The following TTC7B variants were observed in gnomAD, a reference collection of about 807,000 sequenced individuals.
TTC7B encodes the protein tetratricopeptide repeat domain 7B, also known as tetratricopeptide repeat protein 7B.
TTC7B carries 28 observed loss-of-function variants against 106.8 expected under a neutral mutation model. The ratio of observed to expected loss-of-function variants is 0.26; its 90% confidence interval spans 0.19 to 0.36. TTC7B has a LOEUF of 0.36. Among genes scored for constraint, TTC7B ranks in the 10% least tolerant of loss-of-function variants. The pLI, the probability that TTC7B is intolerant of heterozygous loss-of-function variation, is 1.00. For synonymous variants in TTC7B, 405 were observed against 430.6 expected, an observed-to-expected ratio of 0.94 and a Z score of 0.74; for missense variants, 862 against 1,076.4, an observed-to-expected ratio of 0.80 and a Z score of 2.79.
intron 4 of TTC7B, among the ~76,000 whole-genome samples, chr14:90,733,252 T>C (rs1889393886): frequency 6.6e-6 from 1 of 151,922 alleles, no homozygotes; most frequent in African/African-American, 2.4e-5. Context: ...GTCCTCTCTT[T>C]ACCAGAGGGG....
chr14:90,712,660 G>A (rs1256303378), intron 5 of TTC7B, among the ~76,000 whole-genome samples: 5 of 152,012 alleles, frequency 3.3e-5, no homozygotes, highest in Non-Finnish European at 7.4e-5. Flanking sequence ...TAGAATATTT[G>A]CTACTGTGAA....
intron 17 of TTC7B, among the ~76,000 whole-genome samples, chr14:90,596,082 T>C (rs1892190848): frequency 6.6e-6 from 1 of 152,196 alleles, no homozygotes; most frequent in Non-Finnish European, 1.5e-5. Context: ...TTATATGTTA[T>C]GTCTATTGAT....
At chr14:90,750,941 G>A (rs1215715562) in intron 3 of TTC7B, among the ~76,000 whole-genome samples, 2 of 152,154 alleles carry the variant, frequency 1.3e-5, no homozygotes, top group East Asian at 1.9e-4. Flanking sequence ...ATAAATTTTC[G>A]AGTGTCCAGG....
chr14:90,580,116 G>A (rs756421809), intron 18 of TTC7B, among the ~76,000 whole-genome samples: 37 of 152,236 alleles, frequency 2.4e-4, no homozygotes, highest in Non-Finnish European at 4.7e-4. Flanking sequence ...TGCACCCACC[G>A]GAATATGGGC....
chr14:90,736,975 C>A (rs1462730971), intron 4 of TTC7B, among the ~76,000 whole-genome samples: 1 of 149,872 alleles, frequency 6.7e-6, no homozygotes, highest in African/African-American at 2.5e-5. Context: ...GTTATCAAAT[C>A]CTAGGGAAGT....
At chr14:90,718,982 C>T (rs187488996) in intron 5 of TTC7B, among the ~76,000 whole-genome samples, 11 of 152,104 alleles carry the variant, frequency 7.2e-5, no homozygotes, top group South Asian at 2.1e-4. Flanking sequence ...TCAGGTTGGC[C>T]GGGCACAGTG....
At chr14:90,766,923 C>G (rs1890701650) in intron 3 of TTC7B, 6 of 1,533,360 alleles carry the variant, frequency 3.9e-6, no homozygotes. Context: ...GCCTTCATGT[C>G]CAAAGTCAGC....
At position 90,680,330 on chromosome 14, in the gene TTC7B, T is replaced by C. The variant is rs2094919675; in HGVS notation, c.1014+142A>G. The stretch of plus-strand genomic sequence containing the variant: ...AGAAACAACCCTCTTTTTAAACCTC[T>C]ACTGTTTTTTCCCATCCAGGTATAC... On this transcript the variant is annotated intron_variant, in intron 8 of 19. Coordinates refer to ENST00000328459, the MANE Select transcript of TTC7B (RefSeq NM_001010854.2). The C allele has an allele frequency of 1.8e-5, 11 of 621,860 alleles. 1 individual carries two copies. The South Asian group carries it at 2.6e-4, about 15-fold the overall frequency. The allele number at this position is 621,860 out of a possible 1,614,324, so 38.5% of individuals were successfully genotyped here. A position where few individuals can be genotyped will look rare whatever the true frequency, so the allele number is the denominator to read the frequency against.
intron 15 of TTC7B, among the ~76,000 whole-genome samples, chr14:90,630,359 G>A (rs1293061044): frequency 6.6e-6 from 1 of 152,102 alleles, no homozygotes; most frequent in Non-Finnish European, 1.5e-5. Context: ...TTGGCTCCGT[G>A]ATGCAGAGCC....
intron 4 of TTC7B, among the ~76,000 whole-genome samples, chr14:90,733,052 T>A (rs1889385123): frequency 2.0e-5 from 3 of 152,242 alleles, no homozygotes; most frequent in Admixed American, 6.5e-5. Flanking sequence ...AGGCCACGCC[T>A]ATTTTACTTA....
chr14:90,694,603 T>G (rs906704436), intron 6 of TTC7B, among the ~76,000 whole-genome samples: 2 of 148,060 alleles, frequency 1.4e-5, no homozygotes, highest in African/African-American at 2.5e-5. Flanking sequence ...ACATATATTA[T>G]AAATATATGT....
chr14:90,716,282 G>A (rs1888652952), intron 5 of TTC7B, among the ~76,000 whole-genome samples: 1 of 152,240 alleles, frequency 6.6e-6, no homozygotes, highest in African/African-American at 2.4e-5. Flanking sequence ...ATAGCAACTG[G>A]GGGATGGTAG....
intron 7 of TTC7B, among the ~76,000 whole-genome samples, chr14:90,682,711 A>G (rs745888691): frequency 6.6e-6 from 1 of 152,178 alleles, no homozygotes; most frequent in Admixed American, 6.5e-5. Flanking sequence ...GTGAAGGGGA[A>G]GGTGGGGGAC....
chr14:90,560,350 C>T (rs1234114265), intron 19 of TTC7B, among the ~76,000 whole-genome samples: 1 of 152,236 alleles, frequency 6.6e-6, no homozygotes, highest in Admixed American at 6.5e-5. Context: ...AGCTGCACTG[C>T]ATGCAAGTGT....
intron 18 of TTC7B, among the ~76,000 whole-genome samples, chr14:90,586,201 C>T (rs1820792679): frequency 6.6e-6 from 1 of 152,236 alleles, no homozygotes; most frequent in African/African-American, 2.4e-5. Flanking sequence ...GCGATGCCGT[C>T]TGCGCTGCTT....
At chr14:90,621,150 T>C (rs1003105551) in intron 15 of TTC7B, among the ~76,000 whole-genome samples, 8 of 150,384 alleles carry the variant, frequency 5.3e-5, no homozygotes, top group African/African-American at 4.9e-5. Flanking sequence ...GCTGGGACGA[T>C]AGGCAGAAGC....
At chr14:90,611,212 G>A (rs1416695063) in intron 16 of TTC7B, among the ~76,000 whole-genome samples, 5 of 152,094 alleles carry the variant, frequency 3.3e-5, no homozygotes, top group African/African-American at 4.8e-5. Flanking sequence ...CCATGAACAC[G>A]CCATCCATGA....
intron 19 of TTC7B, among the ~76,000 whole-genome samples, chr14:90,544,036 G>C (rs1203563067): frequency 6.6e-6 from 1 of 152,226 alleles, no homozygotes; most frequent in African/African-American, 2.4e-5. Flanking sequence ...TGGGGTGACA[G>C]CCAAGGAGAC....
intron 19 of TTC7B, among the ~76,000 whole-genome samples, chr14:90,551,609 T>C (rs1057212410): frequency 6.6e-6 from 1 of 152,152 alleles, no homozygotes; most frequent in Non-Finnish European, 1.5e-5. Flanking sequence ...GTGGCAGCGG[T>C]AGTGTTTTCA....
Sources: gnomAD v4.1 joint callset for allele counts (sites outside exome capture counted in the v4.1 genomes callset) on GRCh38, gnomAD v4.1.1 for gene constraint, MANE v1.5 for transcripts, NCBI Gene and HGNC (gene_info 2026-07-23, HGNC 2026-07-21) for gene names.